CEACAM20: variants seen among roughly 807,000 people sequenced by gnomAD.
CEACAM20 encodes the protein CEA cell adhesion molecule 20.
In CEACAM20, 50 loss-of-function variants were observed where a neutral mutation model predicts 61.2. The observed-to-expected ratio is 0.82, with a 90% CI of 0.65 to 1.03. The LOEUF is 1.03. CEACAM20 is among the 50% of genes least tolerant of loss of function. The probability of loss-of-function intolerance (pLI) is 0.00; values close to 1 mark genes in which losing one functional copy is unlikely to be tolerated. For synonymous variants in CEACAM20, 282 were observed against 287.7 expected, an observed-to-expected ratio of 0.98 and a Z score of 0.20; for missense variants, 683 against 736.4, an observed-to-expected ratio of 0.93 and a Z score of 0.84.
intron 6 of CEACAM20, among the ~76,000 whole-genome samples, chr19:44,516,084 G>A (rs1391887172): frequency 6.6e-6 from 1 of 152,176 alleles, no homozygotes; most frequent in Non-Finnish European, 1.5e-5. Context: ...GGCCCAGAGA[G>A]GGTAAGTAAC....
At chr19:44,511,292 G>A (rs1440735577) in intron 10 of CEACAM20, 137 bp from the exon 11 acceptor site, 22 of 1,279,924 alleles carry the variant, frequency 1.7e-5, no homozygotes, top group East Asian at 4.7e-5. Flanking sequence ...TGGAAGCAGG[G>A]TTAGAACCCA....
chr19:44,513,922 T>C (rs1971082652), intron 6 of CEACAM20, among the ~76,000 whole-genome samples: 1 of 152,174 alleles, frequency 6.6e-6, no homozygotes, highest in Non-Finnish European at 1.5e-5. Flanking sequence ...ATGTATTCAT[T>C]TTCTATATAT....
intron 11 of CEACAM20, among the ~76,000 whole-genome samples, chr19:44,508,453 G>A (rs117999134): frequency 0.13 from 19,572 of 152,078 alleles, 1,465 homozygotes; most frequent in East Asian, 0.21. Context: ...GCAGTAGCTC[G>A]ACCTCAGCTC....
At chr19:44,525,817 G>A (rs1031215266) in intron 1 of CEACAM20, among the ~76,000 whole-genome samples, 3 of 152,186 alleles carry the variant, frequency 2.0e-5, no homozygotes, top group South Asian at 2.1e-4. Flanking sequence ...GCTTCCTAGG[G>A]TTGTTGTGGG....
chr19:44,518,216 A>G (rs1444140960), intron 5 of CEACAM20, among the ~76,000 whole-genome samples: 1 of 114,742 alleles, frequency 8.7e-6, no homozygotes, highest in Non-Finnish European at 1.7e-5. Context: ...GAAGGAAGGA[A>G]GGAGAGAGAG....
chr19:44,519,274 C>T (rs1971282758), intron 5 of CEACAM20, among the ~76,000 whole-genome samples: 1 of 152,188 alleles, frequency 6.6e-6, no homozygotes, highest in South Asian at 2.1e-4. Context: ...GCTTAGTGAC[C>T]TCCCCATCCC....
intron 2 of CEACAM20, 113 bp downstream of exon 2, chr19:44,524,988 A>G: frequency 7.4e-7 from 1 of 1,345,086 alleles, no homozygotes; most frequent in East Asian, 2.5e-5. Context: ...TTGTTGCTGG[A>G]CCCTGGCTGA....
chr19:44,511,951 T>G, intron 9 of CEACAM20, 66 bp downstream of exon 9: 1 of 1,451,304 alleles, frequency 6.9e-7, no homozygotes, highest in Non-Finnish European at 9.5e-7. Flanking sequence ...GCCCCCACCC[T>G]AAGAAGTAAG....
chr19:44,512,516 G>C (rs1179114772), intron 8 of CEACAM20, among the ~76,000 whole-genome samples: 1 of 152,176 alleles, frequency 6.6e-6, no homozygotes, highest in Non-Finnish European at 1.5e-5. Context: ...GGGCACTCGA[G>C]GCACTCTACT....
Position 44,512,854 on chromosome 19 carries a change from A to G in CEACAM20, c.1513+14T>C, listed in dbSNP as rs768504526. 1.9e-6 allele frequency: 3 copies of G among 1,609,518 alleles called. No homozygotes were observed. The highest frequency in any genetic ancestry group is 2.5e-6 in the Non-Finnish European group (3 of 1,176,592). On this transcript the variant is annotated intron_variant, in intron 8 of 11. Coordinates refer to ENST00000614924, the MANE Select transcript of CEACAM20 (RefSeq NM_001102597.3). ...ACCCCTGCCCCAGGCATCAGCCACC[A>G]TAGAGTCACTTACCGGAACTGGGCT... is the stretch of plus-strand genomic sequence containing the variant.
intron 3 of CEACAM20, 53 bp from the exon 4 acceptor site, chr19:44,522,965 C>G: frequency 6.8e-7 from 1 of 1,461,714 alleles, no homozygotes; most frequent in Non-Finnish European, 9.4e-7. Context: ...CAACAGGTCT[C>G]TTATGGAGGT....
chr19:44,524,997 G>A (rs931768309), intron 2 of CEACAM20, 104 bp downstream of exon 2: 2 of 1,440,306 alleles, frequency 1.4e-6, no homozygotes, highest in Non-Finnish European at 1.9e-6. Flanking sequence ...GACCCTGGCT[G>A]AGCCAATCAG....
chr19:44,511,787 A>G, intron 9 of CEACAM20, 115 bp from the exon 10 acceptor site: 1 of 1,102,506 alleles, frequency 9.1e-7, no homozygotes, highest in Non-Finnish European at 1.3e-6. Flanking sequence ...TGATTCCCAG[A>G]GGGCTCAAAG....
At chr19:44,522,341 G>A (rs1163304511) in intron 4 of CEACAM20, among the ~76,000 whole-genome samples, 1 of 152,018 alleles carries the variant, frequency 6.6e-6, no homozygotes, top group African/African-American at 2.4e-5. Flanking sequence ...CTAACCTCGT[G>A]ATCTGCCCAC....
rs753987014 is a variant in CEACAM20, at chr19:44,522,669, A to C, written c.716T>G (p.Leu239Arg). 6.8e-6 allele frequency: 11 copies of C among 1,613,588 alleles called. No homozygotes were observed. Among genetic ancestry groups the C allele is most frequent in the Non-Finnish European group, 9.3e-6 (11 of 1,179,790 alleles). ...RCLVSNSATHLSSLGTLKVRV... is the reference protein window; with the variant it reads ...RCLVSNSATHRSSLGTLKVRV... Reference sequence around the variant, plus strand: ...GACCTTCAGAGTACCCAGGCTGGACAGGTGGGTGGCACTGTTGGACACCAA... The same window carrying C: ...GACCTTCAGAGTACCCAGGCTGGACCGGTGGGTGGCACTGTTGGACACCAA... Residue 239 changes from leucine (L) to arginine (R), a missense_variant, in exon 4 of 12, where the codon CTG becomes CGG. Leu to Arg is a moderately radical substitution (Grantham distance 102). Coordinates refer to ENST00000614924, the MANE Select transcript of CEACAM20 (RefSeq NM_001102597.3).
intron 5 of CEACAM20, among the ~76,000 whole-genome samples, chr19:44,518,228 GAGAGAGAA>G (rs1438104289): frequency 2.7e-5 from 3 of 110,090 alleles, no homozygotes; most frequent in African/African-American, 1.5e-4. Flanking sequence ...GAGAGAGAGA[GAGAGAGAA>G]AGGAAGGAAG....
Position 44,516,979 on chromosome 19 carries a change from C to T in CEACAM20, c.1276G>A (p.Ala426Thr). Residue 426 changes from alanine to threonine, a missense_variant, in exon 6 of 12, where the codon GCC (alanine) becomes ACC (threonine). Coordinates refer to ENST00000614924, the MANE Select transcript of CEACAM20 (RefSeq NM_001102597.3). ...CTASNSLTGL[A>T]RSTSVLVKVV... ...TTGACCAGGACTGAAGTGGAGCGGG[C>T]CAGGCCAGTGAGAGAGTTGGAGGCT... is the stretch of plus-strand genomic sequence containing the variant. 1.3e-6 allele frequency: 2 copies of T among 1,599,140 alleles called. No homozygotes were observed. The highest frequency in any genetic ancestry group is 8.5e-7 in the Non-Finnish European group (1 of 1,173,260).
At chr19:44,523,302 G>A (rs946060998) in intron 3 of CEACAM20, among the ~76,000 whole-genome samples, 6 of 151,910 alleles carry the variant, frequency 3.9e-5, no homozygotes, top group South Asian at 2.1e-4. Flanking sequence ...CCAGCTACTC[G>A]GGAGGCTGAG....
intron 2 of CEACAM20, among the ~76,000 whole-genome samples, 154 bp downstream of exon 2, chr19:44,524,947 C>T (rs940696256): frequency 6.6e-6 from 1 of 152,136 alleles, no homozygotes; most frequent in African/African-American, 2.4e-5. Context: ...CCCTCTTTAC[C>T]CCTGACCCCT....
Sources: gnomAD v4.1 joint callset for allele counts (sites outside exome capture counted in the v4.1 genomes callset) on GRCh38, gnomAD v4.1.1 for gene constraint, MANE v1.5 for transcripts, NCBI Gene and HGNC (gene_info 2026-07-23, HGNC 2026-07-21) for gene names.